TRPV4: variants seen among roughly 807,000 people sequenced by gnomAD.
TRPV4 encodes the protein transient receptor potential cation channel subfamily V member 4, also known as OSM9-like transient receptor potential channel 4.
Under a neutral mutation model 84.1 loss-of-function variants are expected in TRPV4, and 58 were observed. The observed-to-expected ratio is 0.69, with a 90% CI of 0.56 to 0.86. The LOEUF is 0.86. Among genes scored for constraint, TRPV4 ranks in the 40% least tolerant of loss-of-function variants. The pLI, the probability that TRPV4 is intolerant of heterozygous loss-of-function variation, is 0.00. For missense variants in TRPV4, 879 were observed against 1,181.1 expected, an observed-to-expected ratio of 0.74 and a Z score of 3.75; for synonymous variants, 489 against 500.9, an observed-to-expected ratio of 0.98 and a Z score of 0.32.
At chr12:109,811,178 A>G (rs1364856195) in intron 2 of TRPV4, among the ~76,000 whole-genome samples, 1 of 152,008 alleles carries the variant, frequency 6.6e-6, no homozygotes, top group African/African-American at 2.4e-5. Flanking sequence ...CCTTTCTTGT[A>G]TCCACCCACT....
chr12:109,783,880 AG>A lies in TRPV4; in HGVS notation c.2459-103del. 1 of 1,379,880 alleles carries A rather than the reference AG, an allele frequency of 7.2e-7. No individual in the cohort carries two copies. Among genetic ancestry groups the A allele is most frequent in the Non-Finnish European group, 1.0e-6 (1 of 999,424 alleles). 85.5% of individuals were successfully genotyped at this position (1,379,880 alleles called of 1,614,324 possible). A position where few individuals can be genotyped will look rare whatever the true frequency, so the allele number is the denominator to read the frequency against. Reference sequence around the variant, plus strand: ...TACTGGGCACTCCACAGTGTTCTGAAGGGGGGATGTGACTATGCTCATTTTA... The same window carrying A: ...TACTGGGCACTCCACAGTGTTCTGAAGGGGGATGTGACTATGCTCATTTTA... On this transcript the variant is annotated intron_variant, in intron 15 of 15. Coordinates refer to ENST00000261740, the MANE Select transcript of TRPV4 (RefSeq NM_021625.5). The surrounding 1 kb of genome is among the most constrained non-coding windows in gnomAD (Gnocchi z 4.6).
Position 109,798,647 on chromosome 12 carries a change from G to C in TRPV4, c.1119C>G (p.Pro373=). 6.2e-7 allele frequency: 1 copy of C among 1,612,776 alleles called. No homozygotes were observed. Among genetic ancestry groups the C allele is most frequent in the Non-Finnish European group, 8.5e-7 (1 of 1,180,012 alleles). The change falls in exon 6 of 16, where the codon CCC becomes CCG. Residue 373 remains proline (P), a synonymous_variant. Transcript: ENST00000261740. The surrounding 1 kb of genome is among the most constrained non-coding windows in gnomAD (Gnocchi z 5.0). ...EAVLNNDGLS[P]LMMAAKTGKI... ...TGCCCGTCTTGGCAGCCATCATGAGGGGCGAGAGGCCGTCGTTGTTGAGCA... is the reference window on the plus strand; with the variant it reads ...TGCCCGTCTTGGCAGCCATCATGAGCGGCGAGAGGCCGTCGTTGTTGAGCA...
chr12:109,790,013 T>C (rs1200352516), intron 12 of TRPV4, among the ~76,000 whole-genome samples: 1 of 152,212 alleles, frequency 6.6e-6, no homozygotes, highest in African/African-American at 2.4e-5. Flanking sequence ...CTCCTTAGTT[T>C]CAATAACTAG....
At chr12:109,804,255 T>C (rs1890986475) in intron 3 of TRPV4, among the ~76,000 whole-genome samples, 2 of 152,206 alleles carry the variant, frequency 1.3e-5, no homozygotes, top group South Asian at 4.1e-4. Flanking sequence ...AGTTGATTTA[T>C]ATCTCAAAAG....
chr12:109,830,871 A>G (rs1337293804), intron 1 of TRPV4, among the ~76,000 whole-genome samples: 1 of 152,182 alleles, frequency 6.6e-6, no homozygotes, highest in Non-Finnish European at 1.5e-5. Flanking sequence ...AGCACCTACT[A>G]TGTGCCAGGC....
rs1891808418 is a variant in TRPV4, at chr12:109,815,645, G to A, written c.-31-818C>T. Among the ~76,000 whole-genome samples the A allele has an allele frequency of 6.6e-6, 1 of 152,180 alleles. No homozygotes were observed. The highest frequency in any genetic ancestry group is 1.5e-5 in the Non-Finnish European group (1 of 68,032). ...CCTGGCCTGCACACACTCGCTCCCA[G>A]GATCCATGCTCCTCTCCTCAGAAGC... is the stretch of plus-strand genomic sequence containing the variant. On this transcript the variant is annotated intron_variant, in intron 1 of 15. Transcript: ENST00000261740. The surrounding 1 kb of genome is among the most constrained non-coding windows in gnomAD (Gnocchi z 4.1).
chr12:109,820,098 G>C (rs1892032860), intron 1 of TRPV4, among the ~76,000 whole-genome samples: 1 of 152,170 alleles, frequency 6.6e-6, no homozygotes, highest in South Asian at 2.1e-4. Context: ...GCCAGGCACT[G>C]TGCTAGACTA....
chr12:109,819,471 G>A (rs761677920), intron 1 of TRPV4, among the ~76,000 whole-genome samples: 2 of 152,248 alleles, frequency 1.3e-5, no homozygotes, highest in Non-Finnish European at 2.9e-5. Flanking sequence ...AGCTGCACCA[G>A]GTGTGCATCA....
chr12:109,783,423 AGGTGGCCGGGAGCCCCCACCCCAG>A lies in TRPV4; in HGVS notation c.*174_*197del. ...TTATGTGACTCCATAGGAGCAAGAC[AGGTGGCCGGGAGCCCCCACCCCAG>A]GGTGGGGAGGCAGAGCCAGGGGACC... On this transcript the variant is annotated 3_prime_UTR_variant, in exon 16 of 16. Transcript: ENST00000261740. The surrounding 1 kb of genome is among the most constrained non-coding windows in gnomAD (Gnocchi z 4.6). The A allele has an allele frequency of 1.6e-6, 1 of 641,846 alleles. No homozygotes were observed. The highest frequency in any genetic ancestry group is 2.6e-6 in the Non-Finnish European group (1 of 381,832). The allele number at this position is 641,846 out of a possible 1,614,324, so 39.8% of individuals were successfully genotyped here.
intron 13 of TRPV4, 43 bp downstream of exon 13, chr12:109,788,357 G>A (rs757741350): frequency 2.0e-5 from 32 of 1,588,872 alleles, no homozygotes; most frequent in Non-Finnish European, 2.4e-5. Flanking sequence ...TCGGAAGGAC[G>A]AGGGTGGCTG....
At chr12:109,807,905 C>G (rs1744180508) in intron 3 of TRPV4, among the ~76,000 whole-genome samples, 1 of 152,168 alleles carries the variant, frequency 6.6e-6, no homozygotes, top group Non-Finnish European at 1.5e-5. Context: ...CTGCGCTGGG[C>G]TCTCTGTGGG....
At chr12:109,790,732 T>A (rs1443551125) in intron 12 of TRPV4, among the ~76,000 whole-genome samples, 4 of 147,762 alleles carry the variant, frequency 2.7e-5, no homozygotes, top group South Asian at 2.1e-4. Context: ...AAAAAAAAAA[T>A]GGAAAAAAAG....
intron 3 of TRPV4, among the ~76,000 whole-genome samples, chr12:109,806,039 G>T (rs939419315): frequency 7.2e-5 from 11 of 152,170 alleles, no homozygotes; most frequent in Non-Finnish European, 1.5e-4. Context: ...TTAAACATGG[G>T]TTATCTCCGA....
At chr12:109,821,687 C>T (rs765022875) in intron 1 of TRPV4, among the ~76,000 whole-genome samples, 4 of 152,052 alleles carry the variant, frequency 2.6e-5, no homozygotes, top group Non-Finnish European at 5.9e-5. Context: ...TGCACCACAA[C>T]ACCCGGCTAA....
intron 1 of TRPV4, among the ~76,000 whole-genome samples, chr12:109,825,182 A>G (rs1425736819): frequency 6.6e-6 from 1 of 152,114 alleles, no homozygotes; most frequent in African/African-American, 2.4e-5. Context: ...TCTCTACAAA[A>G]AATAAATAAA....
At position 109,786,774 on chromosome 12, in the gene TRPV4, AG is replaced by A. The variant is rs1889712036; in HGVS notation, c.2271del (p.Ser758LeufsTer26). Reference protein sequence around the residue: ...SFPVFLRKAFRSGEMVTVGKS... With the variant: ...SFPVFLRKAFXSGEMVTVGKS... Reference sequence around the variant, plus strand: ...TTGCCCACGGTGACCATCTCCCCAGAGCGGAAGGCCTTCCTCAGGAATACGG... The same window carrying A: ...TTGCCCACGGTGACCATCTCCCCAGACGGAAGGCCTTCCTCAGGAATACGG... On this transcript the variant is annotated frameshift_variant, in exon 14 of 16. Coordinates refer to ENST00000261740, the MANE Select transcript of TRPV4 (RefSeq NM_021625.5). LOFTEE classifies it high-confidence loss of function. The surrounding 1 kb of genome is among the most constrained non-coding windows in gnomAD (Gnocchi z 4.5). The A allele has an allele frequency of 2.5e-6, 4 of 1,613,942 alleles. No homozygotes were observed. The highest frequency in any genetic ancestry group is 3.4e-6 in the Non-Finnish European group (4 of 1,179,994).
At position 109,804,149 on chromosome 12, in the gene TRPV4, C is replaced by T. The variant is rs554376241; in HGVS notation, c.560-1006G>A. Among the ~76,000 whole-genome samples the T allele has an allele frequency of 7.2e-5, 11 of 152,292 alleles. No homozygotes were observed. The South Asian group carries it at 2.1e-3, about 29-fold the overall frequency. On this transcript the variant is annotated intron_variant, in intron 3 of 15. Transcript: ENST00000261740. Reference sequence around the variant, plus strand: ...AATCTTTCTCATGAAGTCAACTCTCCGTTTGGTACTAGCGGGTCCTTAACA... The same window carrying T: ...AATCTTTCTCATGAAGTCAACTCTCTGTTTGGTACTAGCGGGTCCTTAACA...
rs939889063 is a variant in TRPV4, at chr12:109,786,421, C to T, written c.2336+289G>A. On this transcript the variant is annotated intron_variant, in intron 14 of 15. Coordinates refer to ENST00000261740, the MANE Select transcript of TRPV4 (RefSeq NM_021625.5). This position sits in a 1 kb window ranked among gnomAD's most constrained non-coding sequence, Gnocchi z 4.5. Reference sequence around the variant, plus strand: ...CAGGGGAGCCTGTGGCGTCCCGATGCGCGTCGGGCACTGGCTGAGCACTTC... The same window carrying T: ...CAGGGGAGCCTGTGGCGTCCCGATGTGCGTCGGGCACTGGCTGAGCACTTC... Among the ~76,000 whole-genome samples the T allele has an allele frequency of 2.6e-5, 4 of 152,212 alleles. No individual in the cohort carries two copies. The highest frequency in any genetic ancestry group is 1.9e-4 in the East Asian group (1 of 5,196).
chr12:109,794,312 G>C lies in TRPV4; in HGVS notation c.1491+17C>G. The C allele has an allele frequency of 6.2e-7, 1 of 1,610,486 alleles. No homozygotes were observed. The highest frequency in any genetic ancestry group is 1.1e-5 in the South Asian group (1 of 91,084). On this transcript the variant is annotated intron_variant, in intron 8 of 15. Transcript: ENST00000261740. Reference sequence around the variant, plus strand: ...CCAGTGCCTGCCCCAGCCCCTGCCCGGTCCCCGGGCACTCACTGTGCCCTC... The same window carrying C: ...CCAGTGCCTGCCCCAGCCCCTGCCCCGTCCCCGGGCACTCACTGTGCCCTC...
Sources: gnomAD v4.1 joint callset for allele counts (sites outside exome capture counted in the v4.1 genomes callset) on GRCh38, gnomAD v4.1.1 for gene constraint, Gnocchi (gnomAD v3.1) non-coding constraint, MANE v1.5 for transcripts, NCBI Gene and HGNC (gene_info 2026-07-23, HGNC 2026-07-21) for gene names.